The following NUMA1 variants were observed in gnomAD, a reference collection of about 807,000 sequenced individuals.
The protein encoded by NUMA1 is nuclear mitotic apparatus protein 1.
A neutral mutation model predicts 237.1 loss-of-function variants in NUMA1; 62 were observed. The ratio of observed to expected loss-of-function variants is 0.26; its 90% CI spans 0.21 to 0.32. The LOEUF (loss-of-function observed/expected upper bound fraction) is 0.32, where lower values mean the gene tolerates loss of function less well. NUMA1 is among the 10% of genes least tolerant of loss of function. The pLI, the probability that NUMA1 is intolerant of heterozygous loss-of-function variation, is 1.00. For missense variants in NUMA1, 2,533 were observed against 2,666.5 expected (o/e 0.95, Z 1.10); for synonymous variants, 1,028 against 1,066.1 (o/e 0.96, Z 0.70).
chr11:72,064,161 G>A (rs1225731002), intron 2 of NUMA1, among the ~76,000 whole-genome samples: 1 of 151,968 alleles, frequency 6.6e-6, no homozygotes, highest in Admixed American at 6.6e-5. Context: ...CACTTAAAAT[G>A]TTTTAAATAA....
intron 8 of NUMA1, among the ~76,000 whole-genome samples, 167 bp from the exon 9 acceptor site, chr11:72,019,784 G>C (rs1252148316): frequency 6.6e-6 from 1 of 152,194 alleles, no homozygotes; most frequent in African/African-American, 2.4e-5. Context: ...CCTGGTGCCT[G>C]GGTTATCCAG....
chr11:72,019,699 A>G, intron 8 of NUMA1, 82 bp from the exon 9 acceptor site: 1 of 1,485,256 alleles, frequency 6.7e-7, no homozygotes, highest in Admixed American at 1.8e-5. Flanking sequence ...CAATTTGAGA[A>G]CTCGCCTTAG....
intron 13 of NUMA1, 127 bp downstream of exon 13, chr11:72,017,560 A>C: frequency 1.7e-6 from 2 of 1,160,270 alleles, no homozygotes; most frequent in Non-Finnish European, 1.3e-6. Context: ...TTTCAATTAC[A>C]GCACACTATT....
rs752230112 is a variant in NUMA1, at chr11:72,004,082, C to T, written c.6141G>A (p.Ser2047=). 12 of 1,612,860 alleles carry T rather than the reference C, an allele frequency of 7.4e-6. No homozygotes were observed. Among genetic ancestry groups the T allele is most frequent in the South Asian group, 2.2e-5 (2 of 91,024 alleles). The change falls in exon 26 of 27, where the codon TCG becomes TCA. Residue 2047 remains serine, a synonymous_variant. Coordinates refer to ENST00000393695, the MANE Select transcript of NUMA1 (RefSeq NM_006185.4). The part of the protein sequence containing the change: ...ASTKQADRRQ[S]MAFSILNTPK... ...GTGTGTTGAGGATGCTGAAGGCCAT[C>T]GACTGGCGCCGGTCAGCCTGCAAGG...
intron 2 of NUMA1, among the ~76,000 whole-genome samples, chr11:72,043,960 AAC>A (rs1411244111): frequency 6.6e-6 from 1 of 152,088 alleles, no homozygotes; most frequent in African/African-American, 2.4e-5. Flanking sequence ...CAGATAGATA[AAC>A]AGAGAGACAG....
chr11:72,060,931 G>T (rs1244464870), intron 2 of NUMA1, among the ~76,000 whole-genome samples: 1 of 152,112 alleles, frequency 6.6e-6, no homozygotes, highest in Non-Finnish European at 1.5e-5. Context: ...TTAGCTGGCC[G>T]TGGTGGCGTG....
intron 22 of NUMA1, 95 bp downstream of exon 22, chr11:72,005,940 C>G (rs1955655399): frequency 9.3e-7 from 1 of 1,078,130 alleles, no homozygotes; most frequent in African/African-American, 1.6e-5. Context: ...AGGAGGCCAG[C>G]CTTGGATTTT....
Position 72,004,084 on chromosome 11 carries a change from A to G in NUMA1, c.6139T>C (p.Ser2047Pro). Residue 2047 changes from serine to proline, a missense_variant, in exon 26 of 27, where the codon TCG (serine) becomes CCG (proline). Around this residue, in one of 3 missense-constraint regions of NUMA1, gnomAD observed 795 missense variants for 750.8 expected, o/e 1.06. Coordinates refer to ENST00000393695, the MANE Select transcript of NUMA1 (RefSeq NM_006185.4). ...ASTKQADRRQ[S>P]MAFSILNTPK... ...GTGTTGAGGATGCTGAAGGCCATCG[A>G]CTGGCGCCGGTCAGCCTGCAAGGAA... The G allele has an allele frequency of 1.2e-6, 2 of 1,613,146 alleles. No homozygotes were observed. Among genetic ancestry groups the G allele is most frequent in the Non-Finnish European group, 1.7e-6 (2 of 1,179,688 alleles).
At chr11:72,062,088 T>C (rs1381560699) in intron 2 of NUMA1, among the ~76,000 whole-genome samples, 2 of 152,176 alleles carry the variant, frequency 1.3e-5, no homozygotes, top group African/African-American at 2.4e-5. Flanking sequence ...CTCTAGATTG[T>C]ACCCTTCTGA....
At position 72,014,421 on chromosome 11, in the gene NUMA1, C is replaced by G; in HGVS notation, c.3082G>C (p.Ala1028Pro). Residue 1028 changes from alanine to proline, a missense_variant, in exon 15 of 27, where the codon GCA becomes CCA. This residue lies in a region of NUMA1 where 1,414 missense variants were observed against 1,508.1 expected (regional missense o/e 0.94). Coordinates refer to ENST00000393695, the MANE Select transcript of NUMA1 (RefSeq NM_006185.4). This position sits in a 1 kb window ranked among gnomAD's most constrained non-coding sequence, Gnocchi z 4.6. ...ADLALEKAAR[A>P]ELEMRLQNAL... ...TTCTGCAGCCGCATCTCAAGCTCTG[C>G]TCTGGCCGCCTTCTCCAGGGCAAGG... 2 of 1,608,624 alleles carry G rather than the reference C, an allele frequency of 1.2e-6. No individual in the cohort carries two copies. The highest frequency in any genetic ancestry group is 1.7e-6 in the Non-Finnish European group (2 of 1,180,016).
At chr11:72,020,342 G>C (rs556888594) in intron 8 of NUMA1, 95 of 152,312 alleles carry the variant, frequency 6.2e-4, no homozygotes, top group African/African-American at 2.2e-3. Flanking sequence ...TGAGGAACCT[G>C]AATACAAGGA....
At chr11:72,040,488 A>T (rs1266612940) in intron 2 of NUMA1, 4 of 145,442 alleles carry the variant, frequency 2.8e-5, no homozygotes, top group Non-Finnish European at 5.8e-5. Flanking sequence ...ACACACACAC[A>T]CACACACACA....
In NUMA1 at chr11:72,014,613, G is replaced by T; in HGVS notation, c.2890C>A (p.Gln964Lys). The change falls in exon 15 of 27, where the codon CAG becomes AAG. Residue 964 changes from glutamine to lysine, a missense_variant. By Grantham distance (53) the Gln-to-Lys change is moderately conservative (BLOSUM62 1). Around this residue, in one of 3 missense-constraint regions of NUMA1, gnomAD observed 1,414 missense variants for 1,508.1 expected, o/e 0.94. Transcript: ENST00000393695. This position sits in a 1 kb window ranked among gnomAD's most constrained non-coding sequence, Gnocchi z 4.6. Reference protein sequence around the residue: ...EQQGRQFCSTQAALQAMEREA... With the variant: ...EQQGRQFCSTKAALQAMEREA... ...CGCTCCATAGCCTGCAGCGCTGCCT[G>T]TGTGCTGCAGAACTGGCGTCCCTGT... 6.2e-7 allele frequency: 1 copy of T among 1,608,456 alleles called. No homozygotes were observed.
At position 72,013,237 on chromosome 11, in the gene NUMA1, T is replaced by G; in HGVS notation, c.4266A>C (p.Thr1422=). The part of the protein sequence containing the change: ...LRQKVAEQER[T]AQQLRAEKAS... Reference sequence around the variant, plus strand: ...CCTTCTCTGCCCGCAGCTGCTGAGCTGTTCGCTCCTGCTCTGCCACCTTCT... The same window carrying G: ...CCTTCTCTGCCCGCAGCTGCTGAGCGGTTCGCTCCTGCTCTGCCACCTTCT... The change falls in exon 15 of 27, where the codon ACA becomes ACC. Residue 1422 remains threonine, a synonymous_variant. Transcript: ENST00000393695. This position sits in a 1 kb window ranked among gnomAD's most constrained non-coding sequence, Gnocchi z 6.8. 6.2e-7 allele frequency: 1 copy of G among 1,606,938 alleles called. No homozygotes were observed. Among genetic ancestry groups the G allele is most frequent in the South Asian group, 1.1e-5 (1 of 91,076 alleles).
intron 2 of NUMA1, among the ~76,000 whole-genome samples, chr11:72,061,070 A>T (rs1450537328): frequency 1.3e-5 from 2 of 152,120 alleles, no homozygotes; most frequent in Non-Finnish European, 2.9e-5. Context: ...TGTCTAAAAA[A>T]ATTTAAAAAA....
At chr11:72,003,562 C>T in intron 26 of NUMA1, 24 bp from the exon 27 acceptor site, 1 of 1,614,066 alleles carries the variant, frequency 6.2e-7, no homozygotes, top group South Asian at 1.1e-5. Flanking sequence ...AGTCACATGG[C>T]CAGATGAGAA....
intron 16 of NUMA1, among the ~76,000 whole-genome samples, chr11:72,011,786 G>C (rs1296146178): frequency 1.3e-5 from 2 of 151,982 alleles, no homozygotes; most frequent in African/African-American, 4.8e-5. Context: ...CAGACCATGT[G>C]ACCCCCACTC....
chr11:72,003,685 G>T (rs2134307411), intron 26 of NUMA1, 147 bp from the exon 27 acceptor site: 1 of 1,124,550 alleles, frequency 8.9e-7, no homozygotes, highest in Non-Finnish European at 1.3e-6. Flanking sequence ...GGCTGTGCCT[G>T]AGCAGCTCTG....
chr11:72,013,831 A>T lies in NUMA1; in HGVS notation c.3672T>A (p.Asn1224Lys), dbSNP rs557114597. ...ARGRQEAERK[N>K]SLISSLEEEV... is the part of the protein sequence containing the mutation. ...CCTCCTCCAAGCTGCTGATGAGGCT[A>T]TTTTTCCTCTCAGCCTCTTGCCGGC... Residue 1224 changes from asparagine (N) to lysine (K), a missense_variant, in exon 15 of 27, where the codon AAT becomes AAA. Coordinates refer to ENST00000393695, the MANE Select transcript of NUMA1 (RefSeq NM_006185.4). This position sits in a 1 kb window ranked among gnomAD's most constrained non-coding sequence, Gnocchi z 6.8. 1 of 1,612,254 alleles carries T rather than the reference A, an allele frequency of 6.2e-7. No homozygotes were observed. The highest frequency in any genetic ancestry group is 1.7e-5 in the Admixed American group (1 of 60,014).
Sources: allele counts gnomAD v4.1 joint callset (sites outside exome capture counted in the v4.1 genomes callset), GRCh38; gene constraint gnomAD v4.1.1; regional missense constraint gnomAD v4.1.1; non-coding constraint Gnocchi (gnomAD v3.1); transcripts MANE v1.5; gene names NCBI Gene and HGNC (gene_info 2026-07-23, HGNC 2026-07-21).